MMRN1: variants seen among roughly 807,000 people sequenced by gnomAD.
MMRN1 encodes the protein multimerin 1.
Under a neutral mutation model 100.7 loss-of-function variants are expected in MMRN1, and 94 were observed. The ratio of observed to expected loss-of-function variants is 0.93; its 90% CI spans 0.79 to 1.11. MMRN1 has a LOEUF of 1.11. Ranked by LOEUF, MMRN1 falls within the 50% of genes least tolerant of loss-of-function variation. The probability of loss-of-function intolerance (pLI) is 0.00; values close to 1 mark genes in which losing one functional copy is unlikely to be tolerated. For synonymous variants in MMRN1, 575 were observed against 505.0 expected, an observed-to-expected ratio of 1.14 and a Z score of -1.86; for missense variants, 1,606 against 1,439.1, an observed-to-expected ratio of 1.12 and a Z score of -1.88.
At chr4:89,912,830 A>G (rs1004351237) in intron 3 of MMRN1, among the ~76,000 whole-genome samples, 5 of 151,308 alleles carry the variant, frequency 3.3e-5, no homozygotes, top group Non-Finnish European at 5.9e-5. Flanking sequence ...TAAGAAAAAG[A>G]AAATTATAAT....
At chr4:89,907,363 T>C (rs1459120717) in intron 1 of MMRN1, among the ~76,000 whole-genome samples, 3 of 151,504 alleles carry the variant, frequency 2.0e-5, no homozygotes, top group Non-Finnish European at 3.0e-5. Context: ...CTGCCTTAGA[T>C]GAATGACAAT....
At chr4:89,921,312 G>C (rs760876960) in intron 3 of MMRN1, among the ~76,000 whole-genome samples, 1 of 151,998 alleles carries the variant, frequency 6.6e-6, no homozygotes, top group Admixed American at 6.6e-5. Flanking sequence ...TCTAAGGTGG[G>C]ACTCTAGAAG....
At chr4:89,910,919 T>C (rs536936131) in intron 2 of MMRN1, among the ~76,000 whole-genome samples, 3 of 151,394 alleles carry the variant, frequency 2.0e-5, no homozygotes, top group South Asian at 2.1e-4. Context: ...GTGACTGTTG[T>C]CTCCATATAG....
intron 1 of MMRN1, among the ~76,000 whole-genome samples, chr4:89,897,906 T>C (rs1043409464): frequency 2.0e-5 from 3 of 152,170 alleles, no homozygotes; most frequent in African/African-American, 7.2e-5. Flanking sequence ...ACTAAAGGTA[T>C]AACTTGCTGA....
At chr4:89,897,280 C>T (rs1037965449) in intron 1 of MMRN1, among the ~76,000 whole-genome samples, 3 of 151,784 alleles carry the variant, frequency 2.0e-5, no homozygotes, top group African/African-American at 7.3e-5. Context: ...ACAATCTCGG[C>T]TCACTGCAAT....
Position 89,935,056 on chromosome 4 carries a change from T to C in MMRN1, c.1376T>C (p.Leu459Pro). 1 of 1,613,646 alleles carries C rather than the reference T, an allele frequency of 6.2e-7. No individual in the cohort carries two copies. Among genetic ancestry groups the C allele is most frequent in the South Asian group, 1.1e-5 (1 of 91,030 alleles). Residue 459 changes from leucine to proline, a missense_variant, in exon 6 of 8, where the codon CTA becomes CCA. Physicochemically the swap from Leu to Pro is moderately conservative, Grantham distance 98. Transcript: ENST00000264790. Reference sequence around the variant, plus strand: ...CCCACTTTGACTGATATAGTGGAACTAAGGAATCACATTGTGAATGTAAGG... The same window carrying C: ...CCCACTTTGACTGATATAGTGGAACCAAGGAATCACATTGTGAATGTAAGG... ...NRPTLTDIVE[L>P]RNHIVNVRQE...
At chr4:89,937,996 A>G (rs1722699397) in intron 6 of MMRN1, among the ~76,000 whole-genome samples, 1 of 152,102 alleles carries the variant, frequency 6.6e-6, no homozygotes, top group Non-Finnish European at 1.5e-5. Context: ...TTCTTACAAA[A>G]AGTAATGGCT....
At chr4:89,914,556 G>A (rs1385691199) in intron 3 of MMRN1, among the ~76,000 whole-genome samples, 1 of 151,376 alleles carries the variant, frequency 6.6e-6, no homozygotes, top group Non-Finnish European at 1.5e-5. Context: ...GGAGTACTAA[G>A]TCCAACATCA....
intron 6 of MMRN1, among the ~76,000 whole-genome samples, chr4:89,938,949 A>G (rs1722738467): frequency 6.6e-6 from 1 of 152,002 alleles, no homozygotes; most frequent in South Asian, 2.1e-4. Flanking sequence ...CAGCAACATA[A>G]TGTATGGGAC....
At position 89,953,536 on chromosome 4, in the gene MMRN1, T is replaced by C; in HGVS notation, c.*118T>C. 2.4e-6 allele frequency: 2 copies of C among 831,060 alleles called. No homozygotes were observed. Among genetic ancestry groups the C allele is most frequent in the South Asian group, 4.7e-5 (2 of 42,162 alleles). 51.5% of individuals were successfully genotyped at this position (831,060 alleles called of 1,614,324 possible). ...TACAGGAAATGAAAATCAACTTGTTTTTTTAATATGAGTAAACTTGTATGT... is the reference window on the plus strand; with the variant it reads ...TACAGGAAATGAAAATCAACTTGTTCTTTTAATATGAGTAAACTTGTATGT... On this transcript the variant is annotated 3_prime_UTR_variant, in exon 8 of 8. Transcript: ENST00000264790.
At chr4:89,933,416 A>G (rs1303427569) in intron 5 of MMRN1, among the ~76,000 whole-genome samples, 3 of 152,158 alleles carry the variant, frequency 2.0e-5, no homozygotes, top group African/African-American at 7.2e-5. Context: ...CAGGTGTCTT[A>G]ATAGCAGTAG....
chr4:89,949,107 G>C (rs2110655965), intron 6 of MMRN1, among the ~76,000 whole-genome samples: 1 of 152,252 alleles, frequency 6.6e-6, no homozygotes, highest in Non-Finnish European at 1.5e-5. Context: ...ATGGAATGCT[G>C]CTCCTGGACA....
chr4:89,904,442 T>C (rs985301211), intron 1 of MMRN1, among the ~76,000 whole-genome samples: 3 of 151,284 alleles, frequency 2.0e-5, no homozygotes, highest in African/African-American at 7.3e-5. Flanking sequence ...TAACTTCCCA[T>C]TGCACCCTCC....
Position 89,935,862 on chromosome 4 carries a change from C to T in MMRN1, c.2182C>T (p.Leu728Phe), listed in dbSNP as rs1228981041. 5 of 1,611,574 alleles carry T rather than the reference C, an allele frequency of 3.1e-6. No homozygotes were observed. The African/African-American group carries it at 5.4e-5, about 17-fold the overall frequency. The part of the protein sequence containing the change: ...NEYALEMEDG[L>F]NKTMTIINNA... ...ATATGCCTTAGAAATGGAAGATGGC[C>T]TCAATAAGACAATGACTATTATAAA... The change falls in exon 6 of 8, where the codon CTC becomes TTC. Residue 728 changes from leucine (L) to phenylalanine (F), a missense_variant. Transcript: ENST00000264790.
At position 89,911,962 on chromosome 4, in the gene MMRN1, T is replaced by C; in HGVS notation, c.762T>C (p.Asn254=). 1.3e-6 allele frequency: 2 copies of C among 1,599,826 alleles called. No individual in the cohort carries two copies. Among genetic ancestry groups the C allele is most frequent in the Non-Finnish European group, 8.5e-7 (1 of 1,170,442 alleles). ...TCTCTAGATCTCAGAAGATATCCAA[T>C]CCTGTCTATAGGATGCAACATAAAA... ...SCPQRSQKIS[N]PVYRMQHKIV... is the part of the protein sequence containing the mutation. The change falls in exon 3 of 8, where the codon AAT becomes AAC. Residue 254 remains asparagine (N), a synonymous_variant. Transcript: ENST00000264790.
chr4:89,929,198 G>GC (rs1553923975), intron 5 of MMRN1, among the ~76,000 whole-genome samples: 6 of 151,608 alleles, frequency 4.0e-5, no homozygotes, highest in Non-Finnish European at 8.8e-5. Context: ...CAGGATTACT[G>GC]TTTTTTTTCC....
chr4:89,930,605 T>C (rs1256403729), intron 5 of MMRN1, among the ~76,000 whole-genome samples: 4 of 152,032 alleles, frequency 2.6e-5, no homozygotes, highest in Non-Finnish European at 1.5e-5. Flanking sequence ...CCTTAAATAT[T>C]TTATTATATT....
Position 89,923,432 on chromosome 4 carries a change from G to T in MMRN1, c.955+160G>T, listed in dbSNP as rs74718110. Among the ~76,000 whole-genome samples, 1,443 of 152,354 alleles carry T rather than the reference G, an allele frequency of 9.5e-3. 13 individuals are homozygous for T. The highest frequency in any genetic ancestry group is 0.032 in the African/African-American group (1,312 of 41,590). ...CTGGTGCTGGATGTTGGGAGAAATT[G>T]TGGATAAGCTATAATAGGTACTGAA... On this transcript the variant is annotated intron_variant, in intron 4 of 7. Coordinates refer to ENST00000264790, the MANE Select transcript of MMRN1 (RefSeq NM_007351.3).
intron 4 of MMRN1, 55 bp downstream of exon 4, chr4:89,923,327 T>C: frequency 1.4e-6 from 2 of 1,466,888 alleles, no homozygotes. Flanking sequence ...ATGCTATTTA[T>C]TACAACTTCC....
Sources: allele counts gnomAD v4.1 joint callset (sites outside exome capture counted in the v4.1 genomes callset), GRCh38; gene constraint gnomAD v4.1.1; transcripts MANE v1.5; gene names NCBI Gene and HGNC (gene_info 2026-07-23, HGNC 2026-07-21).